LCORL: variants seen among roughly 807,000 people sequenced by gnomAD.
LCORL encodes the protein ligand dependent nuclear receptor corepressor like.
In LCORL, 41 loss-of-function variants were observed where a neutral mutation model predicts 141.8. The ratio of observed to expected loss-of-function variants is 0.29; its 90% CI spans 0.23 to 0.38. The LOEUF is 0.38. LCORL is among the 10% of genes least tolerant of loss of function. The pLI is 1.00. For missense variants in LCORL, 1,759 were observed against 2,035.0 expected (o/e 0.86, Z 2.61); for synonymous variants, 618 against 694.1 (o/e 0.89, Z 1.72).
At chr4:18,002,822 C>A (rs1004887514) in intron 1 of LCORL, among the ~76,000 whole-genome samples, 1 of 152,126 alleles carries the variant, frequency 6.6e-6, no homozygotes, top group Non-Finnish European at 1.5e-5. Flanking sequence ...GGTATTCTCT[C>A]AGGAAAGCTT....
exon 7 of LCORL, chr4:17,873,723 T>C (rs1352306797): frequency 8.1e-7 from 1 of 1,233,706 alleles, no homozygotes; most frequent in Non-Finnish European, 1.0e-6. Flanking sequence ...ATTTCCACTG[T>C]CAGTAGATTC....
chr4:17,917,665 C>T (rs1237907776), intron 4 of LCORL, among the ~76,000 whole-genome samples: 1 of 152,180 alleles, frequency 6.6e-6, no homozygotes, highest in Non-Finnish European at 1.5e-5. Flanking sequence ...GGAAAATATA[C>T]TTCAGAAAGG....
intron 7 of LCORL, among the ~76,000 whole-genome samples, chr4:17,855,539 A>T (rs2109114301): frequency 6.6e-6 from 1 of 152,142 alleles, no homozygotes; most frequent in East Asian, 1.9e-4. Flanking sequence ...AATAGTCCCA[A>T]CTCTTTACTC....
In LCORL at chr4:17,862,003, C is replaced by G. The variant is rs573149647; in HGVS notation, c.5602+11385G>C. ...CAACAAGTCTCTAGGAAGTTCCAGA[C>G]TTTCCCACATTTTTCTGTCTTCTTC... is the stretch of plus-strand genomic sequence containing the variant. On this transcript the variant is annotated intron_variant, in intron 7 of 7. Transcript: ENST00000635767. 5.4e-4 allele frequency among the ~76,000 whole-genome samples: 83 copies of G among 152,344 alleles called. 2 individuals are homozygous for G. Among genetic ancestry groups the G allele is most frequent in the Admixed American group, 4.6e-3 (71 of 15,302 alleles).
At chr4:18,018,271 ATAGT>A (rs1409968998) in intron 1 of LCORL, among the ~76,000 whole-genome samples, 1 of 152,166 alleles carries the variant, frequency 6.6e-6, no homozygotes, top group Non-Finnish European at 1.5e-5. Flanking sequence ...TCTCAATATC[ATAGT>A]TAGTACTAGG....
At chr4:18,016,661 A>T (rs1724687782) in intron 1 of LCORL, among the ~76,000 whole-genome samples, 1 of 152,184 alleles carries the variant, frequency 6.6e-6, no homozygotes, top group Non-Finnish European at 1.5e-5. Context: ...AACTAACTCA[A>T]TAATTTCTAT....
At chr4:17,926,705 C>T (rs1432410749) in intron 4 of LCORL, among the ~76,000 whole-genome samples, 1 of 152,212 alleles carries the variant, frequency 6.6e-6, no homozygotes, top group East Asian at 1.9e-4. Context: ...TTTTCATATA[C>T]ACATCTATCA....
intron 7 of LCORL, among the ~76,000 whole-genome samples, chr4:17,846,476 A>G (rs1457146601): frequency 2.0e-5 from 3 of 152,118 alleles, no homozygotes; most frequent in Non-Finnish European, 4.4e-5. Flanking sequence ...ATGCTTGTCT[A>G]CTAAGCTCTC....
chr4:17,926,906 AAG>A (rs1430767272), intron 4 of LCORL, among the ~76,000 whole-genome samples: 3 of 152,236 alleles, frequency 2.0e-5, no homozygotes, highest in African/African-American at 7.2e-5. Context: ...CTTCAAGTTA[AAG>A]CCATAGTTGC....
At chr4:17,908,796 T>C (rs1462754325) in intron 5 of LCORL, among the ~76,000 whole-genome samples, 1 of 152,140 alleles carries the variant, frequency 6.6e-6, no homozygotes, top group Non-Finnish European at 1.5e-5. Context: ...ATAAAAATAA[T>C]TATTTCTTAT....
intron 1 of LCORL, among the ~76,000 whole-genome samples, chr4:17,992,457 A>G (rs541021602): frequency 3.3e-5 from 5 of 152,266 alleles, no homozygotes; most frequent in African/African-American, 1.2e-4. Flanking sequence ...TGCTATTTAA[A>G]CTGATCTGAT....
chr4:17,853,931 G>C (rs542278422), intron 7 of LCORL, among the ~76,000 whole-genome samples: 4 of 152,084 alleles, frequency 2.6e-5, no homozygotes, highest in Admixed American at 2.0e-4. Flanking sequence ...AGGGGTTTGC[G>C]GCTTGGTAAG....
chr4:17,885,873 A>G (rs891598476), intron 6 of LCORL, among the ~76,000 whole-genome samples, 195 bp downstream of exon 6: 2 of 151,880 alleles, frequency 1.3e-5, no homozygotes, highest in Admixed American at 6.6e-5. Flanking sequence ...GATTGTTCTG[A>G]TAACTTTTCT....
At chr4:17,963,132 CATAATA>C in intron 2 of LCORL, 83 bp from the exon 3 acceptor site, 1 of 611,856 alleles carries the variant, frequency 1.6e-6, no homozygotes, top group East Asian at 3.2e-5. Flanking sequence ...CAATGGCTCA[CATAATA>C]ATAATTTTTA....
intron 1 of LCORL, among the ~76,000 whole-genome samples, chr4:17,997,226 G>A (rs1721051102): frequency 6.6e-6 from 1 of 152,152 alleles, no homozygotes; most frequent in Non-Finnish European, 1.5e-5. Context: ...TCTAAATGAT[G>A]TCTCAACGCC....
chr4:17,871,294 A>G (rs1726309588), intron 7 of LCORL, among the ~76,000 whole-genome samples: 1 of 151,988 alleles, frequency 6.6e-6, no homozygotes. Flanking sequence ...AGTGAAAGAT[A>G]GATAAAACTT....
At chr4:17,890,944 A>C (rs1162474401) in intron 5 of LCORL, among the ~76,000 whole-genome samples, 1 of 152,106 alleles carries the variant, frequency 6.6e-6, no homozygotes, top group Non-Finnish European at 1.5e-5. Context: ...AACCTTCATA[A>C]TATAGAATTG....
chr4:17,881,287 C>A, intron 6 of LCORL: 1 of 980,136 alleles, frequency 1.0e-6, no homozygotes, highest in South Asian at 4.7e-5. Context: ...TAAATAGTAA[C>A]TGGTAACTAA....
chr4:17,864,910 T>A (rs768882374), intron 7 of LCORL, among the ~76,000 whole-genome samples: 5 of 152,300 alleles, frequency 3.3e-5, no homozygotes, highest in Non-Finnish European at 7.4e-5. Flanking sequence ...AAAGAGGAGG[T>A]TAATTTCATA....
Sources: gnomAD v4.1 joint callset for allele counts (sites outside exome capture counted in the v4.1 genomes callset) on GRCh38, gnomAD v4.1.1 for gene constraint, MANE v1.5 for transcripts, NCBI Gene and HGNC (gene_info 2026-07-23, HGNC 2026-07-21) for gene names.